TENM2: variants seen among roughly 807,000 people sequenced by gnomAD.
TENM2 encodes the protein teneurin-2.
In TENM2, 52 loss-of-function variants were observed where a neutral mutation model predicts 245.2. That is an observed-to-expected ratio of 0.21 (90% CI 0.17 to 0.27). The LOEUF is 0.27. TENM2 is among the 10% of genes least tolerant of loss of function. The pLI is 1.00. For missense variants in TENM2, 3,046 were observed against 3,666.8 expected, an observed-to-expected ratio of 0.83 and a Z score of 4.37; for synonymous variants, 1,363 against 1,438.9, an observed-to-expected ratio of 0.95 and a Z score of 1.19.
chr5:167,304,774 T>C (rs544641482), intron 1 of TENM2, among the ~76,000 whole-genome samples: 59 of 152,316 alleles, frequency 3.9e-4, no homozygotes, highest in African/African-American at 1.4e-3. Flanking sequence ...TGTTATTGTT[T>C]TGAGTACATG....
At chr5:167,181,307 CT>C in the TENM2 span, among the ~76,000 whole-genome samples, 1 of 152,076 alleles carries the variant, frequency 6.6e-6, no homozygotes, top group Non-Finnish European at 1.5e-5. Flanking sequence ...CCTCTGTGGT[CT>C]TATTCAAAAC....
intron 2 of TENM2, among the ~76,000 whole-genome samples, chr5:167,765,804 C>T (rs1045947478): frequency 2.0e-5 from 3 of 152,136 alleles, no homozygotes; most frequent in Non-Finnish European, 4.4e-5. Flanking sequence ...TCTTTCTAAC[C>T]GTTTCTCAGA....
chr5:167,734,992 T>C (rs1760702420), intron 2 of TENM2, among the ~76,000 whole-genome samples: 1 of 152,210 alleles, frequency 6.6e-6, no homozygotes, highest in African/African-American at 2.4e-5. Context: ...TATCCAAGTA[T>C]CTGGATGTTT....
intron 12 of TENM2, among the ~76,000 whole-genome samples, chr5:168,160,925 G>A (rs985727116): frequency 3.9e-5 from 6 of 152,134 alleles, no homozygotes; most frequent in African/African-American, 1.2e-4. Context: ...TAGCTACTGA[G>A]GAGGCTGAAG....
chr5:167,522,748 G>T (rs1473961232), intron 2 of TENM2, among the ~76,000 whole-genome samples: 2 of 151,874 alleles, frequency 1.3e-5, no homozygotes, highest in Admixed American at 6.6e-5. Flanking sequence ...CTGGCCCTGG[G>T]AGATGGTAGC....
intron 13 of TENM2, among the ~76,000 whole-genome samples, chr5:168,177,749 A>G (rs1759485652): frequency 1.3e-5 from 2 of 152,196 alleles, no homozygotes; most frequent in South Asian, 4.2e-4. Context: ...AAGCAGGAGG[A>G]TCTCTTGAAC....
intron 6 of TENM2, among the ~76,000 whole-genome samples, chr5:168,054,817 T>G (rs1186983839): frequency 6.6e-6 from 1 of 152,140 alleles, no homozygotes; most frequent in Non-Finnish European, 1.5e-5. Context: ...AGTTATAGAG[T>G]TGGACTATCC....
At chr5:167,780,473 A>C (rs1432819507) in intron 2 of TENM2, among the ~76,000 whole-genome samples, 3 of 151,992 alleles carry the variant, frequency 2.0e-5, no homozygotes, top group Non-Finnish European at 4.4e-5. Flanking sequence ...TTTTTCCCAC[A>C]TTTGTGTACT....
At chr5:168,167,483 C>G (rs1425937205) in intron 13 of TENM2, among the ~76,000 whole-genome samples, 1 of 152,158 alleles carries the variant, frequency 6.6e-6, no homozygotes, top group Non-Finnish European at 1.5e-5. Flanking sequence ...GATGCTTTCT[C>G]CCATCTGTGG....
chr5:168,228,168 A>AG (rs1764409845), intron 25 of TENM2, 38 bp downstream of exon 27: 2 of 1,497,924 alleles, frequency 1.3e-6, no homozygotes, highest in East Asian at 4.5e-5. Flanking sequence ...ACAGAGTGGG[A>AG]GGGGATATAC....
intron 2 of TENM2, among the ~76,000 whole-genome samples, chr5:167,526,218 A>G (rs192177973): frequency 1.4e-3 from 211 of 152,218 alleles, no homozygotes; most frequent in Admixed American, 2.6e-3. Context: ...AAATCCAGAT[A>G]TTAAAAATGA....
the TENM2 span, among the ~76,000 whole-genome samples, chr5:167,038,165 C>T: frequency 6.6e-6 from 1 of 152,200 alleles, no homozygotes. Flanking sequence ...GAGAAGTCCT[C>T]ATAATGGCAA....
chr5:167,467,069 CTG>C (rs909493316), intron 2 of TENM2, among the ~76,000 whole-genome samples: 1 of 152,176 alleles, frequency 6.6e-6, no homozygotes, highest in African/African-American at 2.4e-5. Flanking sequence ...GCTAGACTCA[CTG>C]TTATGGCTTG....
the TENM2 span, among the ~76,000 whole-genome samples, chr5:167,151,788 A>G: frequency 6.6e-6 from 1 of 152,280 alleles, no homozygotes; most frequent in East Asian, 1.9e-4. Flanking sequence ...AAATGGTGGA[A>G]CTATAGGCGT....
chr5:168,098,480 G>T (rs1793547088), intron 9 of TENM2, among the ~76,000 whole-genome samples: 1 of 151,936 alleles, frequency 6.6e-6, no homozygotes, highest in African/African-American at 2.4e-5. Context: ...GCATCTCAGG[G>T]TTAGTAAATT....
intron 1 of TENM2, among the ~76,000 whole-genome samples, chr5:167,371,486 C>T (rs938785420): frequency 2.0e-5 from 3 of 151,590 alleles, no homozygotes; most frequent in African/African-American, 7.3e-5. Flanking sequence ...CTTGGCCTCC[C>T]GAGTAGCTGG....
chr5:166,996,607 A>G, the TENM2 span, among the ~76,000 whole-genome samples: 1 of 152,180 alleles, frequency 6.6e-6, no homozygotes. Flanking sequence ...TGTGGTTTGC[A>G]GAGGTTAAAG....
intron 3 of TENM2, among the ~76,000 whole-genome samples, chr5:167,878,296 A>C (rs1360180529): frequency 2.0e-5 from 3 of 152,178 alleles, no homozygotes; most frequent in African/African-American, 7.2e-5. Flanking sequence ...CAATTTGTTC[A>C]GCTCACTTAA....
chr5:167,379,689 A>G (rs892625766), intron 2 of TENM2, among the ~76,000 whole-genome samples: 1 of 152,136 alleles, frequency 6.6e-6, no homozygotes, highest in Non-Finnish European at 1.5e-5. Flanking sequence ...AACAGACATA[A>G]AAACTTACTA....
Sources: gnomAD v4.1 joint callset for allele counts (sites outside exome capture counted in the v4.1 genomes callset) on GRCh38, gnomAD v4.1.1 for gene constraint, MANE v1.5 for transcripts, NCBI Gene and HGNC (gene_info 2026-07-23, HGNC 2026-07-21) for gene names.